The following MGAT4C variants were observed in gnomAD, a reference collection of about 807,000 sequenced individuals.
MGAT4C encodes MGAT4 family member C.
A neutral mutation model predicts 40.1 loss-of-function variants in MGAT4C; 19 were observed. That is an observed-to-expected ratio of 0.47 (90% confidence interval 0.33 to 0.70). The LOEUF (loss-of-function observed/expected upper bound fraction) is 0.70. Ranked by LOEUF, MGAT4C falls within the 30% of genes least tolerant of loss-of-function variation. The probability of loss-of-function intolerance (pLI) is 0.02; values close to 1 mark genes in which losing one functional copy is unlikely to be tolerated. For missense variants in MGAT4C, 491 were observed against 563.2 expected, an observed-to-expected ratio of 0.87 and a Z score of 1.30; for synonymous variants, 181 against 187.1, an observed-to-expected ratio of 0.97 and a Z score of 0.27.
At chr12:86,036,339 T>G (rs2136921580) in intron 2 of MGAT4C, among the ~76,000 whole-genome samples, 1 of 150,196 alleles carries the variant, frequency 6.7e-6, no homozygotes, top group Non-Finnish European at 1.5e-5. Context: ...TGGCCAGAAC[T>G]TCCAATATTA....
intron 1 of MGAT4C, among the ~76,000 whole-genome samples, chr12:86,822,956 G>A (rs1425516891): frequency 6.6e-6 from 1 of 150,924 alleles, no homozygotes; most frequent in Admixed American, 6.6e-5. Flanking sequence ...ATTATACCAA[G>A]TCTTTTCTGA....
At chr12:86,287,492 C>T (rs1304778331) in intron 4 of MGAT4C, among the ~76,000 whole-genome samples, 3 of 152,246 alleles carry the variant, frequency 2.0e-5, no homozygotes, top group East Asian at 3.9e-4. Flanking sequence ...TCTCCTAATG[C>T]TATCCCTCCG....
intron 2 of MGAT4C, among the ~76,000 whole-genome samples, chr12:86,511,023 A>G (rs1958572235): frequency 6.6e-6 from 1 of 152,158 alleles, no homozygotes; most frequent in South Asian, 2.1e-4. Flanking sequence ...TCCACCTCAA[A>G]TCGACAGAAT....
chr12:86,217,457 C>T (rs991390560), intron 1 of MGAT4C, among the ~76,000 whole-genome samples: 5 of 152,134 alleles, frequency 3.3e-5, no homozygotes, highest in Admixed American at 1.3e-4. Context: ...TCTACAGTTT[C>T]TTATCACAAA....
intron 1 of MGAT4C, among the ~76,000 whole-genome samples, chr12:86,830,220 T>G (rs543009976): frequency 9.2e-5 from 14 of 151,676 alleles, no homozygotes; most frequent in African/African-American, 3.4e-4. Context: ...TTTGTGCTTT[T>G]CTACCTGTCT....
intron 3 of MGAT4C, among the ~76,000 whole-genome samples, chr12:86,371,344 T>A (rs1955710628): frequency 6.6e-6 from 1 of 151,942 alleles, no homozygotes; most frequent in African/African-American, 2.4e-5. Context: ...TTGTAATTAC[T>A]TCACCCTAGG....
At chr12:86,531,918 TA>T (rs1323830417) in intron 2 of MGAT4C, among the ~76,000 whole-genome samples, 1 of 151,976 alleles carries the variant, frequency 6.6e-6, no homozygotes, top group African/African-American at 2.4e-5. Flanking sequence ...TAATGAAACT[TA>T]AACAACTGGC....
At chr12:86,055,342 T>A (rs1320405915) in intron 1 of MGAT4C, among the ~76,000 whole-genome samples, 1 of 151,972 alleles carries the variant, frequency 6.6e-6, no homozygotes, top group Non-Finnish European at 1.5e-5. Flanking sequence ...ATAAGATATA[T>A]GTGTAAAAAT....
intron 2 of MGAT4C, among the ~76,000 whole-genome samples, chr12:86,584,415 G>A (rs192759491): frequency 2.0e-5 from 3 of 150,926 alleles, no homozygotes; most frequent in East Asian, 3.9e-4. Context: ...TTAATTACAA[G>A]TTTTCCTAAG....
rs1183228638 is a variant in MGAT4C, at chr12:86,011,992, TTTTC to T, written c.-6-22444_-6-22441del. On this transcript the variant is annotated intron_variant, in intron 2 of 4. Coordinates refer to ENST00000611864, the MANE Select transcript of MGAT4C (RefSeq NM_001351288.2). The stretch of plus-strand genomic sequence containing the variant: ...AAATAACATTTTATCTGCTAGAATT[TTTTC>T]TTTGTTTTGGAATAATATTACAAAG... The T allele has an allele frequency of 9.3e-5, 37 of 396,124 alleles. 1 individual carries two copies. Among genetic ancestry groups the T allele is most frequent in the Admixed American group, 1.3e-4 (2 of 15,582 alleles). 24.5% of individuals were successfully genotyped at this position (396,124 alleles called of 1,614,324 possible).
chr12:86,701,077 T>C (rs1565934984), intron 2 of MGAT4C, among the ~76,000 whole-genome samples: 1 of 152,222 alleles, frequency 6.6e-6, no homozygotes, highest in Non-Finnish European at 1.5e-5. Flanking sequence ...CTTGCCATAG[T>C]ATTCTTTCAT....
intron 2 of MGAT4C, among the ~76,000 whole-genome samples, chr12:86,466,327 G>GCCT (rs1957682560): frequency 6.6e-6 from 1 of 152,170 alleles, no homozygotes; most frequent in Non-Finnish European, 1.5e-5. Flanking sequence ...CTATACTGTG[G>GCCT]TACATCCAGT....
chr12:86,515,810 T>C (rs974592715), intron 2 of MGAT4C, among the ~76,000 whole-genome samples: 1 of 150,618 alleles, frequency 6.6e-6, no homozygotes, highest in East Asian at 2.0e-4. Context: ...TGGCGCGATC[T>C]CAGCTCACTG....
At chr12:86,778,848 A>G (rs1951785725) in intron 1 of MGAT4C, among the ~76,000 whole-genome samples, 1 of 151,992 alleles carries the variant, frequency 6.6e-6, no homozygotes, top group Admixed American at 6.6e-5. Flanking sequence ...AAATACTTAA[A>G]TGTTTAAATA....
At chr12:86,020,396 C>A (rs902007055) in intron 2 of MGAT4C, among the ~76,000 whole-genome samples, 4 of 152,060 alleles carry the variant, frequency 2.6e-5, no homozygotes, top group African/African-American at 4.8e-5. Flanking sequence ...AGATATAGAC[C>A]AATGGAACAG....
intron 3 of MGAT4C, among the ~76,000 whole-genome samples, chr12:86,419,155 ATC>A (rs2136253607): frequency 6.6e-6 from 1 of 152,184 alleles, no homozygotes; most frequent in East Asian, 1.9e-4. Flanking sequence ...AAATTTCATG[ATC>A]TGTTATAAAA....
intron 2 of MGAT4C, among the ~76,000 whole-genome samples, chr12:86,010,048 A>C (rs1022229320): frequency 6.6e-6 from 1 of 152,216 alleles, no homozygotes; most frequent in African/African-American, 2.4e-5. Context: ...TTTAATTTTA[A>C]ACAGACATAG....
chr12:86,348,538 G>T (rs1955089313), intron 3 of MGAT4C, among the ~76,000 whole-genome samples: 1 of 151,940 alleles, frequency 6.6e-6, no homozygotes, highest in Non-Finnish European at 1.5e-5. Context: ...AAAATAAATT[G>T]CATACATTAT....
At chr12:86,692,693 T>C (rs1379702073) in intron 2 of MGAT4C, among the ~76,000 whole-genome samples, 1 of 152,054 alleles carries the variant, frequency 6.6e-6, no homozygotes, top group Admixed American at 6.6e-5. Flanking sequence ...AGAATAATAG[T>C]GGTGTAAGGA....
Sources: gnomAD v4.1 joint callset for allele counts (sites outside exome capture counted in the v4.1 genomes callset) on GRCh38, gnomAD v4.1.1 for gene constraint, MANE v1.5 for transcripts, NCBI Gene and HGNC (gene_info 2026-07-23, HGNC 2026-07-21) for gene names.